Variants in ERG observed in about 807,000 individuals in gnomAD.
The protein encoded by ERG is transcriptional regulator ERG.
In ERG, 9 loss-of-function variants were observed where a neutral mutation model predicts 55.3. The ratio of observed to expected loss-of-function variants is 0.16; its 90% CI spans 0.10 to 0.28. The LOEUF (loss-of-function observed/expected upper bound fraction) is 0.28, where lower values mean the gene tolerates loss of function less well. Among genes scored for constraint, ERG ranks in the 10% least tolerant of loss-of-function variants. The pLI is 1.00. For synonymous variants in ERG, 223 were observed against 237.3 expected (o/e 0.94, Z 0.55); for missense variants, 434 against 631.6 (o/e 0.69, Z 3.35).
intron 2 of ERG, chr21:38,575,627 G>T: frequency 6.5e-7 from 1 of 1,529,072 alleles, no homozygotes; most frequent in Non-Finnish European, 9.1e-7. Context: ...CACAGAGGAA[G>T]GCAGAGCTGG....
At position 38,620,030 on chromosome 21, in the gene ERG, T is replaced by C. The variant is rs180762581; in HGVS notation, c.-149-35085A>G. Reference sequence around the variant, plus strand: ...GGAAAGTATGCAGTGAAAATCCCATTGAAACGCCACAGAACGCCAGCCAAG... The same window carrying C: ...GGAAAGTATGCAGTGAAAATCCCATCGAAACGCCACAGAACGCCAGCCAAG... On this transcript the variant is annotated intron_variant, in intron 1 of 10. Transcript: ENST00000398910. 7.6e-4 allele frequency among the ~76,000 whole-genome samples: 116 copies of C among 152,294 alleles called. No homozygotes were observed. The Middle Eastern group carries it at 0.01, about 13-fold the overall frequency.
At chr21:38,613,969 CT>C (rs2060244112) in intron 1 of ERG, among the ~76,000 whole-genome samples, 1 of 152,188 alleles carries the variant, frequency 6.6e-6, no homozygotes, top group Admixed American at 6.5e-5. Flanking sequence ...GAGTTAAAGT[CT>C]TTCAGAAATA....
At chr21:38,600,597 C>T (rs2060158933) in intron 1 of ERG, among the ~76,000 whole-genome samples, 1 of 152,184 alleles carries the variant, frequency 6.6e-6, no homozygotes, top group Admixed American at 6.5e-5. Context: ...ATAACACTGA[C>T]CACACCTCCT....
chr21:38,584,377 T>C (rs2060049482), intron 1 of ERG, among the ~76,000 whole-genome samples: 1 of 152,234 alleles, frequency 6.6e-6, no homozygotes, highest in Non-Finnish European at 1.5e-5. Context: ...TGCCTGGGTG[T>C]GCCCCTTGAA....
Position 38,551,235 on chromosome 21 carries a change from CT to C in ERG, c.-41+24426del, listed in dbSNP as rs1212747585. ...GATTATGCTTATTTGGATCTTCTCT[CT>C]TTTTTCTTTATCAGTCTAGCTAGTT... is the stretch of plus-strand genomic sequence containing the variant. On this transcript the variant is annotated intron_variant, in intron 2 of 8. Transcript: ENST00000398897. Among the ~76,000 whole-genome samples, 14 of 151,642 alleles carry C rather than the reference CT, an allele frequency of 9.2e-5. 1 individual carries two copies. The South Asian group carries it at 2.9e-3, about 32-fold the overall frequency.
chr21:38,474,348 G>GCGACA (rs67273739), intron 1 of ERG, among the ~76,000 whole-genome samples: 17,035 of 152,074 alleles, frequency 0.11, 1,048 homozygotes, highest in East Asian at 0.26. Context: ...CAGGTGACAG[G>GCGACA]CGACACCGCC....
intron 1 of ERG, among the ~76,000 whole-genome samples, chr21:38,493,961 G>A (rs1568852360): frequency 1.3e-5 from 2 of 152,174 alleles, no homozygotes; most frequent in African/African-American, 2.4e-5. Flanking sequence ...AAGACAATAC[G>A]GTAGAAAAGG....
the ERG span, among the ~76,000 whole-genome samples, chr21:38,368,776 C>T: frequency 1.3e-5 from 2 of 152,194 alleles, no homozygotes; most frequent in African/African-American, 4.8e-5. Context: ...CCACCCTCCC[C>T]GCTCTGAAAG....
chr21:38,511,411 C>T (rs1321569928), intron 2 of ERG, among the ~76,000 whole-genome samples: 1 of 152,174 alleles, frequency 6.6e-6, no homozygotes, highest in Non-Finnish European at 1.5e-5. Context: ...CCTACAAATA[C>T]AGCAATTACA....
At chr21:38,468,782 G>A (rs183397430) in intron 1 of ERG, among the ~76,000 whole-genome samples, 167 of 151,998 alleles carry the variant, frequency 1.1e-3, no homozygotes, top group African/African-American at 3.9e-3. Flanking sequence ...TCAGGAGATC[G>A]AGACTATCTT....
At position 38,484,990 on chromosome 21, in the gene ERG, G is replaced by A. The variant is rs1247040529; in HGVS notation, c.18+13373C>T. ...CCATACTTTTCATCATTATTTTAGA[G>A]TGTACTTTTTCTATTTCCAAAAAAA... On this transcript the variant is annotated intron_variant, in intron 1 of 9. Transcript: ENST00000288319. 2.0e-5 allele frequency among the ~76,000 whole-genome samples: 3 copies of A among 151,564 alleles called. No homozygotes were observed. In the South Asian group the frequency reaches 6.3e-4, roughly 32 times the overall value.
intron 2 of ERG, among the ~76,000 whole-genome samples, chr21:38,571,543 A>T (rs1007741263): frequency 9.9e-5 from 15 of 151,838 alleles, no homozygotes; most frequent in Non-Finnish European, 2.2e-4. Flanking sequence ...TAATAAATAA[A>T]AAATTTTTAA....
chr21:38,388,642 A>G (rs1175660693), intron 9 of ERG, among the ~76,000 whole-genome samples: 1 of 152,258 alleles, frequency 6.6e-6, no homozygotes, highest in Non-Finnish European at 1.5e-5. Flanking sequence ...AGTCAAATTC[A>G]TCAGAAACTA....
chr21:38,605,974 G>A (rs1165810995), intron 1 of ERG, among the ~76,000 whole-genome samples: 1 of 152,014 alleles, frequency 6.6e-6, no homozygotes, highest in Non-Finnish European at 1.5e-5. Context: ...TAGGTAGATA[G>A]GTAGGTAGGT....
intron 1 of ERG, among the ~76,000 whole-genome samples, chr21:38,463,203 G>C (rs12053740): frequency 0.018 from 2,730 of 152,286 alleles, 44 homozygotes; most frequent in East Asian, 0.076. Flanking sequence ...CTGTTTACCT[G>C]CTTGCTGGGG....
intron 2 of ERG, among the ~76,000 whole-genome samples, chr21:38,563,922 T>C (rs2059907375): frequency 6.6e-6 from 1 of 152,178 alleles, no homozygotes; most frequent in Non-Finnish European, 1.5e-5. Flanking sequence ...TCCAATTCAC[T>C]CGCGAGTAAG....
chr21:38,441,591 A>G (rs559136494), intron 2 of ERG, among the ~76,000 whole-genome samples: 2 of 152,338 alleles, frequency 1.3e-5, no homozygotes, highest in East Asian at 3.9e-4. Flanking sequence ...ACCCAGACAC[A>G]ATGCCAGGAG....
chr21:38,605,288 G>A (rs1022209413), intron 1 of ERG, among the ~76,000 whole-genome samples: 11 of 152,108 alleles, frequency 7.2e-5, no homozygotes, highest in African/African-American at 1.7e-4. Context: ...TTAAAAAATG[G>A]TTTCCCTCAC....
chr21:38,395,747 G>A (rs1988181502), intron 6 of ERG, among the ~76,000 whole-genome samples: 3 of 152,130 alleles, frequency 2.0e-5, no homozygotes, highest in Non-Finnish European at 2.9e-5. Context: ...CCTGGGAGCT[G>A]GGATCAGCTT....
Sources: allele counts gnomAD v4.1 joint callset (sites outside exome capture counted in the v4.1 genomes callset), GRCh38; gene constraint gnomAD v4.1.1; transcripts MANE v1.5; gene names NCBI Gene and HGNC (gene_info 2026-07-23, HGNC 2026-07-21).